The following ARHGAP6 variants were observed in gnomAD, a reference collection of about 807,000 sequenced individuals.
ARHGAP6 encodes Rho GTPase activating protein 6, also known as rho GTPase-activating protein 6.
In ARHGAP6, 16 loss-of-function variants were observed where a neutral mutation model predicts 55.7. The ratio of observed to expected loss-of-function variants is 0.29; its 90% CI spans 0.19 to 0.44. The LOEUF (loss-of-function observed/expected upper bound fraction) is 0.44. ARHGAP6 is among the 20% of genes least tolerant of loss of function. The probability of loss-of-function intolerance (pLI) is 1.00; values close to 1 mark genes in which losing one functional copy is unlikely to be tolerated. For missense variants in ARHGAP6, 698 were observed against 808.9 expected (o/e 0.86, Z 1.66); for synonymous variants, 382 against 360.9 (o/e 1.06, Z -0.66).
In ARHGAP6 at chrX:11,401,755, A is replaced by G. The variant is rs764377797; in HGVS notation, c.589-147048T>C. Among the ~76,000 whole-genome samples the G allele has an allele frequency of 1.4e-3, 154 of 112,212 alleles. 1 individual carries two copies. Among genetic ancestry groups the G allele is most frequent in the African/African-American group, 4.9e-3 (152 of 30,924 alleles). On this transcript the variant is annotated intron_variant, in intron 1 of 12. Transcript: ENST00000337414. ...CGACCTGAACAAAAATATACCCTTC[A>G]GTATCCAACAGTAAGTTATTTGACA...
chrX:11,639,244 G>T (rs921060696), intron 1 of ARHGAP6, among the ~76,000 whole-genome samples: 1 of 78,969 alleles, frequency 1.3e-5, no homozygotes, highest in African/African-American at 6.6e-5. Flanking sequence ...TTAAGTTCTA[G>T]GGTACATGTG....
At chrX:11,150,747 C>A (rs762727277) in intron 10 of ARHGAP6, among the ~76,000 whole-genome samples, 3 of 111,551 alleles carry the variant, frequency 2.7e-5, no homozygotes, top group East Asian at 5.7e-4. Flanking sequence ...CATGGTCGTG[C>A]CACTGCACTC....
chrX:11,492,544 G>C (rs1460179434), intron 1 of ARHGAP6, among the ~76,000 whole-genome samples: 2 of 111,347 alleles, frequency 1.8e-5, no homozygotes, highest in Non-Finnish European at 3.8e-5. Flanking sequence ...GTACTCAAAA[G>C]ACCAACTTGA....
intron 2 of ARHGAP6, among the ~76,000 whole-genome samples, chrX:11,237,669 C>T (rs972351810): frequency 1.8e-5 from 2 of 112,086 alleles, no homozygotes; most frequent in Non-Finnish European, 3.8e-5. Context: ...TCTCCTGTTT[C>T]ATTAGCCACA....
intron 1 of ARHGAP6, among the ~76,000 whole-genome samples, chrX:11,496,038 C>T: frequency 8.9e-6 from 1 of 112,185 alleles, no homozygotes; most frequent in Non-Finnish European, 1.9e-5. Context: ...GGCCTTCCTT[C>T]ACCAGTTGAG....
chrX:11,423,827 C>CTT (rs2147780490), intron 1 of ARHGAP6, among the ~76,000 whole-genome samples: 1 of 111,811 alleles, frequency 8.9e-6, no homozygotes, highest in East Asian at 2.8e-4. Flanking sequence ...CACTGATTTG[C>CTT]TTTTCTCTGC....
chrX:11,155,092 G>A (rs1293798098), intron 10 of ARHGAP6, among the ~76,000 whole-genome samples: 1 of 111,763 alleles, frequency 8.9e-6, no homozygotes, highest in Non-Finnish European at 1.9e-5. Context: ...TGCTATCAAC[G>A]TAATGACCTG....
chrX:11,655,433 G>C (rs2052627435), intron 1 of ARHGAP6, among the ~76,000 whole-genome samples: 1 of 111,972 alleles, frequency 8.9e-6, no homozygotes, highest in African/African-American at 3.2e-5. Flanking sequence ...TGGAGTAACT[G>C]TTTTATTTTT....
intron 1 of ARHGAP6, among the ~76,000 whole-genome samples, chrX:11,432,032 G>A (rs146237332): frequency 3.5e-4 from 39 of 111,916 alleles, no homozygotes; most frequent in Non-Finnish European, 5.1e-4. Context: ...TTCCCCCTAC[G>A]CCAATTGTGG....
intron 1 of ARHGAP6, among the ~76,000 whole-genome samples, chrX:11,344,907 A>G (rs1276833744): frequency 2.7e-5 from 3 of 111,086 alleles, no homozygotes; most frequent in Non-Finnish European, 3.8e-5. Flanking sequence ...TATTGTAACT[A>G]TCACACAAGA....
At position 11,590,866 on chromosome X, in the gene ARHGAP6, G is replaced by GA. The variant is rs762845049; in HGVS notation, c.588+73374dup. 3.3e-3 allele frequency among the ~76,000 whole-genome samples: 151 copies of GA among 46,198 alleles called. 25 individuals are homozygous for GA. Among genetic ancestry groups the GA allele is most frequent in the African/African-American group, 0.012 (126 of 10,408 alleles). 40.1% of individuals were successfully genotyped at this position (46,198 alleles called of 115,157 possible). On this transcript the variant is annotated intron_variant, in intron 1 of 12. Coordinates refer to ENST00000337414, the MANE Select transcript of ARHGAP6 (RefSeq NM_013427.3). The stretch of plus-strand genomic sequence containing the variant: ...GAAAAGAAAAGAAAAGAAAAGAAAA[G>GA]AAGGAAAGAAAGAAAGAAAGAAAGA...
At chrX:11,273,483 A>G (rs1028939016) in intron 1 of ARHGAP6, among the ~76,000 whole-genome samples, 1 of 110,162 alleles carries the variant, frequency 9.1e-6, no homozygotes, top group African/African-American at 3.3e-5. Context: ...CATGATGTCC[A>G]ATGTTCAAGT....
intron 1 of ARHGAP6, among the ~76,000 whole-genome samples, chrX:11,430,132 C>T (rs903043674): frequency 8.9e-6 from 1 of 112,035 alleles, no homozygotes; most frequent in Non-Finnish European, 1.9e-5. Flanking sequence ...AAACCTTAAC[C>T]ATAGCCTTTT....
At chrX:11,449,321 C>T (rs2050122282) in intron 1 of ARHGAP6, among the ~76,000 whole-genome samples, 1 of 112,542 alleles carries the variant, frequency 8.9e-6, no homozygotes, top group Non-Finnish European at 1.9e-5. Flanking sequence ...CTGTCTTTCT[C>T]AAGTGCCAGT....
chrX:11,138,673 G>T lies in ARHGAP6; in HGVS notation c.*190C>A. The T allele has an allele frequency of 4.2e-6, 2 of 475,800 alleles. No individual in the cohort carries two copies. The highest frequency in any genetic ancestry group is 6.9e-6 in the Non-Finnish European group (2 of 289,309). 39.2% of individuals were successfully genotyped at this position (475,800 alleles called of 1,213,427 possible). ...GTTTGTTTTTCCTAAGGCTGGCTAC[G>T]CAATGGAACCTTATTCTCAATGGCG... On this transcript the variant is annotated 3_prime_UTR_variant, in exon 13 of 13. Coordinates refer to ENST00000337414, the MANE Select transcript of ARHGAP6 (RefSeq NM_013427.3).
chrX:11,410,540 T>C (rs372683610), intron 1 of ARHGAP6, among the ~76,000 whole-genome samples: 2 of 112,417 alleles, frequency 1.8e-5, no homozygotes, highest in African/African-American at 6.5e-5. Context: ...AACAAAAATA[T>C]TCTAAAATTA....
intron 1 of ARHGAP6, among the ~76,000 whole-genome samples, chrX:11,489,109 G>A (rs2050540077): frequency 8.9e-6 from 1 of 112,147 alleles, no homozygotes; most frequent in African/African-American, 3.2e-5. Flanking sequence ...AAGTATTTGA[G>A]CCAGTGTTTG....
chrX:11,496,781 T>A (rs1043230054), intron 1 of ARHGAP6, among the ~76,000 whole-genome samples: 1 of 112,004 alleles, frequency 8.9e-6, no homozygotes, highest in African/African-American at 3.2e-5. Flanking sequence ...ACTTACTGAT[T>A]GTTACATATA....
intron 1 of ARHGAP6, among the ~76,000 whole-genome samples, chrX:11,551,402 C>G (rs1473425040): frequency 9.0e-6 from 1 of 111,574 alleles, no homozygotes; most frequent in African/African-American, 3.3e-5. Flanking sequence ...TAAAGTTTTA[C>G]TATATCTAAA....
Sources: gnomAD v4.1 joint callset for allele counts (sites outside exome capture counted in the v4.1 genomes callset) on GRCh38, gnomAD v4.1.1 for gene constraint, MANE v1.5 for transcripts, NCBI Gene and HGNC (gene_info 2026-07-23, HGNC 2026-07-21) for gene names.